SLC47A1: variants seen among roughly 807,000 people sequenced by gnomAD.
The protein encoded by SLC47A1 is multidrug and toxin extrusion protein 1.
In SLC47A1, 58 loss-of-function variants were observed where a neutral mutation model predicts 65.8. The observed-to-expected ratio is 0.88, with a 90% CI of 0.71 to 1.10. The LOEUF (loss-of-function observed/expected upper bound fraction) is 1.10. SLC47A1 is among the 50% of genes least tolerant of loss of function. The pLI, the probability that SLC47A1 is intolerant of heterozygous loss-of-function variation, is 0.00. For synonymous variants in SLC47A1, 285 were observed against 295.0 expected (o/e 0.97, Z 0.35); for missense variants, 706 against 719.2 (o/e 0.98, Z 0.21).
intron 14 of SLC47A1, among the ~76,000 whole-genome samples, chr17:19,568,756 T>TA (rs2084378092): frequency 1.3e-5 from 2 of 152,144 alleles, no homozygotes; most frequent in Non-Finnish European, 1.5e-5. Context: ...TTATTCTTCC[T>TA]GTCTATCAGA....
chr17:19,566,991 T>A, intron 13 of SLC47A1, 105 bp from the exon 14 acceptor site: 1 of 1,595,512 alleles, frequency 6.3e-7, no homozygotes, highest in Admixed American at 1.7e-5. Context: ...AAGGATACTG[T>A]CACCTTACCA....
chr17:19,541,901 C>G (rs1018211609), intron 1 of SLC47A1, among the ~76,000 whole-genome samples: 5 of 152,166 alleles, frequency 3.3e-5, no homozygotes, highest in Non-Finnish European at 7.4e-5. Flanking sequence ...CCGAGGCAGG[C>G]AGATCACGAG....
At chr17:19,568,730 C>A (rs2084377931) in intron 14 of SLC47A1, among the ~76,000 whole-genome samples, 1 of 152,088 alleles carries the variant, frequency 6.6e-6, no homozygotes, top group African/African-American at 2.4e-5. Context: ...CCCTGGTGTG[C>A]AATTGATCTC....
At chr17:19,549,827 CT>C in intron 5 of SLC47A1, 150 bp downstream of exon 5, 3 of 815,238 alleles carry the variant, frequency 3.7e-6, no homozygotes, top group South Asian at 3.1e-5. Context: ...TTATTTATGC[CT>C]GTTAAGGACA....
chr17:19,577,716 AC>A lies in SLC47A1; in HGVS notation c.*164del, dbSNP rs2084452031. The stretch of plus-strand genomic sequence containing the variant: ...CATTTTTCTATAAAAAGAAAAAGCA[AC>A]TAAGGTTAAAAGCTATATTGTGGCC... On this transcript the variant is annotated 3_prime_UTR_variant, in exon 17 of 17. Transcript: ENST00000270570. The A allele has an allele frequency of 7.0e-7, 1 of 1,435,822 alleles. No individual in the cohort carries two copies. Among genetic ancestry groups the A allele is most frequent in the South Asian group, 1.5e-5 (1 of 66,390 alleles). The allele number at this position is 1,435,822 out of a possible 1,614,324, so 88.9% of individuals were successfully genotyped here.
chr17:19,542,562 A>G (rs1916176993), intron 2 of SLC47A1, 68 bp downstream of exon 2: 2 of 1,259,012 alleles, frequency 1.6e-6, no homozygotes, highest in South Asian at 1.4e-5. Flanking sequence ...TACTATAACA[A>G]ATCATCAAAA....
chr17:19,550,387 C>G (rs1218213891), intron 5 of SLC47A1, among the ~76,000 whole-genome samples: 1 of 152,158 alleles, frequency 6.6e-6, no homozygotes, highest in Non-Finnish European at 1.5e-5. Context: ...ACAGTCCTCA[C>G]TCATTGCAAC....
chr17:19,577,526 A>G lies in SLC47A1; in HGVS notation c.1686A>G (p.Leu562=). 1.2e-6 allele frequency: 2 copies of G among 1,614,156 alleles called. No individual in the cohort carries two copies. Among genetic ancestry groups the G allele is most frequent in the Non-Finnish European group, 1.7e-6 (2 of 1,180,016 alleles). ...GVFLILLVGI[L]VRFYVRIQ is the part of the protein sequence containing the mutation. Reference sequence around the variant, plus strand: ...TCTTAATCTTGCTGGTGGGGATTTTAGTGAGATTCTATGTCAGAATTCAGT... The same window carrying G: ...TCTTAATCTTGCTGGTGGGGATTTTGGTGAGATTCTATGTCAGAATTCAGT... Residue 562 remains leucine (L), a synonymous_variant, in exon 17 of 17, where the codon TTA becomes TTG. Coordinates refer to ENST00000270570, the MANE Select transcript of SLC47A1 (RefSeq NM_018242.3).
intron 16 of SLC47A1, 77 bp from the exon 17 acceptor site, chr17:19,577,250 T>A: frequency 6.4e-7 from 1 of 1,560,176 alleles, no homozygotes; most frequent in East Asian, 2.3e-5. Flanking sequence ...TTAGCACATA[T>A]TCCTTTTATA....
chr17:19,545,369 A>G lies in SLC47A1; in HGVS notation c.238-1066A>G, dbSNP rs148317799. Among the ~76,000 whole-genome samples the G allele has an allele frequency of 7.3e-4, 111 of 151,880 alleles. 1 individual carries two copies. The East Asian group carries it at 0.021, about 28-fold the overall frequency. On this transcript the variant is annotated intron_variant, in intron 2 of 16. Coordinates refer to ENST00000270570, the MANE Select transcript of SLC47A1 (RefSeq NM_018242.3). ...GCCACTATGCTGGGCTAATTTTTGT[A>G]TTTTAGTAGAGACTGGGTTTCACCA...
intron 15 of SLC47A1, among the ~76,000 whole-genome samples, chr17:19,572,312 G>A (rs971438175): frequency 6.6e-6 from 1 of 151,684 alleles, no homozygotes; most frequent in Admixed American, 6.6e-5. Flanking sequence ...TTTTTCTTAA[G>A]AGACAGGCTC....
chr17:19,564,230 A>T (rs2084338926), intron 12 of SLC47A1, among the ~76,000 whole-genome samples: 1 of 152,074 alleles, frequency 6.6e-6, no homozygotes, highest in African/African-American at 2.4e-5. Flanking sequence ...GTGCACCTGT[A>T]GTCCTAGCTA....
intron 2 of SLC47A1, among the ~76,000 whole-genome samples, chr17:19,546,126 A>G (rs539790562): frequency 6.6e-6 from 1 of 152,258 alleles, no homozygotes; most frequent in East Asian, 1.9e-4. Context: ...AGGCTGAAGC[A>G]GGAGAATCAC....
intron 1 of SLC47A1, among the ~76,000 whole-genome samples, chr17:19,539,594 C>T (rs1916083373): frequency 6.6e-6 from 1 of 152,100 alleles, no homozygotes; most frequent in Non-Finnish European, 1.5e-5. Context: ...AAACGATTCT[C>T]CTGCCTCAGC....
intron 16 of SLC47A1, among the ~76,000 whole-genome samples, chr17:19,575,466 A>T (rs2084432818): frequency 6.8e-6 from 1 of 147,904 alleles, no homozygotes; most frequent in South Asian, 2.1e-4. Flanking sequence ...TGGTGCAATT[A>T]TAGCTCACTG....
rs747698646 is a variant in SLC47A1, at chr17:19,560,211, T to G, written c.945T>G (p.Ala315=). ...VYMVPAGFSV[A]ASVRVGNALG... ...AGGTCCCTGCAGGCTTCAGTGTGGCTGCCAGTGTCCGGGTAGGAAACGCTC... is the reference window on the plus strand; with the variant it reads ...AGGTCCCTGCAGGCTTCAGTGTGGCGGCCAGTGTCCGGGTAGGAAACGCTC... Residue 315 remains alanine (A), a synonymous_variant, in exon 11 of 17, where the codon GCT becomes GCG. Transcript: ENST00000270570. 19 of 1,612,906 alleles carry G rather than the reference T, an allele frequency of 1.2e-5. No individual in the cohort carries two copies. The highest frequency in any genetic ancestry group is 8.5e-7 in the Non-Finnish European group (1 of 1,179,930).
intron 14 of SLC47A1, chr17:19,567,673 G>A (rs899985391): frequency 2.6e-5 from 5 of 193,938 alleles, no homozygotes; most frequent in South Asian, 1.1e-4. Flanking sequence ...TCCTGCGTGC[G>A]TGGGGTGCTG....
rs992429636 is a variant in SLC47A1 at position 19,577,726 on chromosome 17, A to G, written c.*173A>G. On this transcript the variant is annotated 3_prime_UTR_variant, in exon 17 of 17. Transcript: ENST00000270570. Reference sequence around the variant, plus strand: ...TAAAAAGAAAAAGCAACTAAGGTTAAAAGCTATATTGTGGCCCAAGACACT... The same window carrying G: ...TAAAAAGAAAAAGCAACTAAGGTTAGAAGCTATATTGTGGCCCAAGACACT... 11 of 1,428,452 alleles carry G rather than the reference A, an allele frequency of 7.7e-6. No homozygotes were observed. The African/African-American group carries it at 1.3e-4, about 17-fold the overall frequency. The allele number at this position is 1,428,452 out of a possible 1,614,324, so 88.5% of individuals were successfully genotyped here.
At position 19,578,989 on chromosome 17, in the gene SLC47A1, C is replaced by T. The variant is rs548772260; in HGVS notation, c.*1436C>T. The T allele has an allele frequency of 6.6e-6, 1 of 152,348 alleles. No homozygotes were observed. Among genetic ancestry groups the T allele is most frequent in the African/African-American group, 2.4e-5 (1 of 41,570 alleles). The allele number at this position is 152,348 out of a possible 1,614,324, so 9.4% of individuals were successfully genotyped here. The stretch of plus-strand genomic sequence containing the variant: ...AGGACCAACTGGTCTACATGGATGC[C>T]CTGAACATGCAATTCTTTCTTCCAA... On this transcript the variant is annotated 3_prime_UTR_variant, in exon 17 of 17. Coordinates refer to ENST00000270570, the MANE Select transcript of SLC47A1 (RefSeq NM_018242.3).
Sources: gnomAD v4.1 joint callset for allele counts (sites outside exome capture counted in the v4.1 genomes callset) on GRCh38, gnomAD v4.1.1 for gene constraint, MANE v1.5 for transcripts, NCBI Gene and HGNC (gene_info 2026-07-23, HGNC 2026-07-21) for gene names.